The following DNAI7 variants were observed in gnomAD, a reference collection of about 807,000 sequenced individuals.
DNAI7 encodes cancer susceptibility 1.
A neutral mutation model predicts 86.6 loss-of-function variants in DNAI7; 78 were observed. The observed-to-expected ratio is 0.90, with a 90% confidence interval of 0.75 to 1.09. DNAI7 has a LOEUF of 1.09. Ranked by LOEUF, DNAI7 falls within the 50% of genes least tolerant of loss-of-function variation. DNAI7 has a pLI of 0.00. For missense variants in DNAI7, 753 were observed against 810.2 expected, an observed-to-expected ratio of 0.93 and a Z score of 0.86; for synonymous variants, 274 against 273.0, an observed-to-expected ratio of 1.00 and a Z score of -0.04.
chr12:25,116,481 C>G (rs1940125257), intron 12 of DNAI7, among the ~76,000 whole-genome samples: 1 of 151,038 alleles, frequency 6.6e-6, no homozygotes, highest in African/African-American at 2.4e-5. Flanking sequence ...GAATAATTTA[C>G]CTTGTCTAAT....
chr12:25,192,118 A>T (rs1302747717), intron 1 of DNAI7, among the ~76,000 whole-genome samples: 1 of 152,242 alleles, frequency 6.6e-6, no homozygotes, highest in African/African-American at 2.4e-5. Context: ...GGCACTGGAG[A>T]TAGAAAAGTA....
At chr12:25,112,473 C>T (rs1286487811) in intron 13 of DNAI7, among the ~76,000 whole-genome samples, 11 of 123,454 alleles carry the variant, frequency 8.9e-5, no homozygotes, top group African/African-American at 2.3e-4. Flanking sequence ...GTGGTGTGAT[C>T]TTGGCTCACT....
chr12:25,140,583 A>G (rs1301208165), intron 9 of DNAI7, among the ~76,000 whole-genome samples: 1 of 152,216 alleles, frequency 6.6e-6, no homozygotes, highest in East Asian at 1.9e-4. Context: ...AAATGGAAAT[A>G]CATCCCATGC....
intron 9 of DNAI7, among the ~76,000 whole-genome samples, chr12:25,130,740 AT>A (rs1942806545): frequency 6.6e-6 from 1 of 152,132 alleles, no homozygotes; most frequent in South Asian, 2.1e-4. Context: ...TAGAAAAAAA[AT>A]TTCTCACAAA....
At chr12:25,179,035 A>G (rs1949251701) in intron 2 of DNAI7, among the ~76,000 whole-genome samples, 1 of 151,930 alleles carries the variant, frequency 6.6e-6, no homozygotes, top group South Asian at 2.1e-4. Flanking sequence ...AGGTCTACAT[A>G]TTTCCCTCTA....
intron 3 of DNAI7, 181 bp downstream of exon 3, chr12:25,160,932 T>C (rs1031402495): frequency 4.3e-6 from 2 of 469,740 alleles, no homozygotes; most frequent in Non-Finnish European, 7.6e-6. Context: ...AATATATATC[T>C]GAAAGAGACT....
chr12:25,137,447 A>C (rs1943676995), intron 9 of DNAI7, among the ~76,000 whole-genome samples: 1 of 152,184 alleles, frequency 6.6e-6, no homozygotes, highest in Non-Finnish European at 1.5e-5. Flanking sequence ...TAAATCTCAC[A>C]GGGCCTATAA....
intron 2 of DNAI7, among the ~76,000 whole-genome samples, chr12:25,172,622 CA>C: frequency 6.6e-6 from 1 of 151,920 alleles, no homozygotes; most frequent in East Asian, 1.9e-4. Context: ...CATACAGAAC[CA>C]AAAAAGAGTC....
chr12:25,170,285 G>A (rs1033394458), intron 2 of DNAI7, among the ~76,000 whole-genome samples: 23 of 151,926 alleles, frequency 1.5e-4, no homozygotes, highest in Non-Finnish European at 2.6e-4. Flanking sequence ...CAGCTTCTCG[G>A]GAGGCTGAGA....
rs745460458 is a variant in DNAI7 at position 25,154,469 on chromosome 12, A to G, written c.301-13T>C. 1.2e-4 allele frequency: 199 copies of G among 1,598,568 alleles called. No individual in the cohort carries two copies. Among genetic ancestry groups the G allele is most frequent in the South Asian group, 2.3e-4 (20 of 87,208 alleles). The stretch of plus-strand genomic sequence containing the variant: ...TGTAGTGCTTCCACTGTGGAATAAA[A>G]ATGTTTAAAGGTTCACATTGATGAA... On this transcript the variant is annotated splice_polypyrimidine_tract_variant and intron_variant, in intron 5 of 15. Coordinates refer to ENST00000395987, the MANE Select transcript of DNAI7 (RefSeq NM_018272.5).
At chr12:25,114,893 G>A (rs1939759900) in intron 12 of DNAI7, 23 bp from the exon 13 acceptor site, 4 of 1,532,110 alleles carry the variant, frequency 2.6e-6, no homozygotes, top group Non-Finnish European at 3.6e-6. Context: ...TGAAGAAAGT[G>A]ACACTAGTTT....
intron 9 of DNAI7, among the ~76,000 whole-genome samples, chr12:25,127,204 G>T (rs1054788958): frequency 1.3e-5 from 2 of 152,168 alleles, no homozygotes; most frequent in African/African-American, 4.8e-5. Context: ...TCCTGTAATT[G>T]CAACAGTGTC....
At chr12:25,113,397 G>A (rs945052343) in intron 13 of DNAI7, among the ~76,000 whole-genome samples, 1 of 152,084 alleles carries the variant, frequency 6.6e-6, no homozygotes, top group Non-Finnish European at 1.5e-5. Flanking sequence ...CGCCTCCCGG[G>A]TTCAAGCGAT....
At chr12:25,136,197 T>C (rs1943533866) in intron 9 of DNAI7, among the ~76,000 whole-genome samples, 1 of 152,196 alleles carries the variant, frequency 6.6e-6, no homozygotes, top group South Asian at 2.1e-4. Flanking sequence ...GGTTCTGGTA[T>C]CCACAGTTGA....
intron 9 of DNAI7, among the ~76,000 whole-genome samples, chr12:25,131,690 G>C (rs12229450): frequency 0.12 from 17,609 of 152,166 alleles, 1,363 homozygotes; most frequent in Admixed American, 0.16. Context: ...CAAAAGACAG[G>C]ATAACTTTGA....
At chr12:25,123,401 A>G in intron 9 of DNAI7, 115 bp from the exon 10 acceptor site, 6 of 540,718 alleles carry the variant, frequency 1.1e-5, no homozygotes, top group Non-Finnish European at 1.8e-5. Context: ...TAGGCTGAAA[A>G]CCCCAAACTG....
chr12:25,157,978 C>T (rs1946391544), intron 4 of DNAI7, among the ~76,000 whole-genome samples: 1 of 152,022 alleles, frequency 6.6e-6, no homozygotes, highest in Admixed American at 6.6e-5. Flanking sequence ...GCCTGTAATC[C>T]CAGCCCTTTG....
intron 2 of DNAI7, among the ~76,000 whole-genome samples, chr12:25,189,496 G>T (rs1950315627): frequency 6.6e-6 from 1 of 152,046 alleles, no homozygotes. Flanking sequence ...ACAAAAATTA[G>T]ACAGGCATGG....
chr12:25,149,720 C>G lies in DNAI7; in HGVS notation c.493G>C (p.Asp165His). 6.4e-7 allele frequency: 1 copy of G among 1,567,536 alleles called. No homozygotes were observed. The highest frequency in any genetic ancestry group is 1.1e-5 in the South Asian group (1 of 89,130). ...TCTTGGTACTGTATTATATTTTTATCTTGCAAATCACATGGTGGAGTTTCC... is the reference window on the plus strand; with the variant it reads ...TCTTGGTACTGTATTATATTTTTATGTTGCAAATCACATGGTGGAGTTTCC... ...LLETPPCDLQ[D>H]KNIIQYQESI... is the part of the protein sequence containing the mutation. Residue 165 changes from aspartate to histidine, a missense_variant, in exon 7 of 16, where the codon GAT becomes CAT. Coordinates refer to ENST00000395987, the MANE Select transcript of DNAI7 (RefSeq NM_018272.5).
Sources: gnomAD v4.1 joint callset for allele counts (sites outside exome capture counted in the v4.1 genomes callset) on GRCh38, gnomAD v4.1.1 for gene constraint, MANE v1.5 for transcripts, NCBI Gene and HGNC (gene_info 2026-07-23, HGNC 2026-07-21) for gene names.